ZCCHC7: variants seen among roughly 807,000 people sequenced by gnomAD.
ZCCHC7 encodes the protein zinc finger CCHC domain-containing protein 7.
Under a neutral mutation model 52.0 loss-of-function variants are expected in ZCCHC7, and 35 were observed. The ratio of observed to expected loss-of-function variants is 0.67; its 90% CI spans 0.51 to 0.89. The LOEUF (loss-of-function observed/expected upper bound fraction) is 0.89, where lower values mean the gene tolerates loss of function less well. ZCCHC7 is among the 40% of genes least tolerant of loss of function. The pLI is 0.00. For missense variants in ZCCHC7, 574 were observed against 649.1 expected (o/e 0.88, Z 1.26); for synonymous variants, 217 against 221.5 (o/e 0.98, Z 0.18).
chr9:37,173,665 C>T (rs751548219), intron 2 of ZCCHC7, among the ~76,000 whole-genome samples: 95 of 152,222 alleles, frequency 6.2e-4, no homozygotes, highest in Non-Finnish European at 1.2e-3. Context: ...AGATTAAAAA[C>T]TTTTCTTTGA....
At chr9:37,147,747 G>A (rs1328948211) in intron 2 of ZCCHC7, among the ~76,000 whole-genome samples, 2 of 152,020 alleles carry the variant, frequency 1.3e-5, no homozygotes, top group Middle Eastern at 3.2e-3. Flanking sequence ...TGAGTAAATT[G>A]TAAGTTAGAA....
At chr9:37,190,601 C>T (rs1268001621) in intron 2 of ZCCHC7, among the ~76,000 whole-genome samples, 2 of 152,196 alleles carry the variant, frequency 1.3e-5, no homozygotes, top group Non-Finnish European at 2.9e-5. Context: ...TTCCATCTTA[C>T]TTGGAATTGG....
At chr9:37,177,492 C>T (rs942999339) in intron 2 of ZCCHC7, among the ~76,000 whole-genome samples, 3 of 151,992 alleles carry the variant, frequency 2.0e-5, no homozygotes, top group African/African-American at 7.3e-5. Context: ...TCCTCCTGCC[C>T]CATTGAGCCA....
At chr9:37,259,886 T>G (rs1016379722) in intron 2 of ZCCHC7, among the ~76,000 whole-genome samples, 1 of 152,216 alleles carries the variant, frequency 6.6e-6, no homozygotes, top group Non-Finnish European at 1.5e-5. Context: ...TCCTTCTCAT[T>G]AACAGTTGGT....
chr9:37,246,504 G>A (rs1826086850), intron 2 of ZCCHC7, among the ~76,000 whole-genome samples: 1 of 152,076 alleles, frequency 6.6e-6, no homozygotes, highest in African/African-American at 2.4e-5. Flanking sequence ...TACCAGTATA[G>A]GATATTATAA....
intron 2 of ZCCHC7, among the ~76,000 whole-genome samples, chr9:37,209,517 T>C (rs146617198): frequency 6.6e-6 from 1 of 152,164 alleles, no homozygotes; most frequent in Non-Finnish European, 1.5e-5. Flanking sequence ...AACATCTTTG[T>C]CTACCCTTTT....
At chr9:37,193,131 C>G (rs371008101) in intron 2 of ZCCHC7, among the ~76,000 whole-genome samples, 17 of 152,028 alleles carry the variant, frequency 1.1e-4, no homozygotes, top group African/African-American at 3.9e-4. Context: ...GACTTGATTT[C>G]AATGAAAGTG....
At chr9:37,317,845 C>G (rs1242730230) in intron 5 of ZCCHC7, among the ~76,000 whole-genome samples, 1 of 35,954 alleles carries the variant, frequency 2.8e-5, no homozygotes, top group Non-Finnish European at 6.3e-5. Flanking sequence ...TCCCCCCGAC[C>G]CCCCCCAAAA....
chr9:37,350,209 A>G (rs577889397), intron 7 of ZCCHC7, among the ~76,000 whole-genome samples: 1 of 148,176 alleles, frequency 6.7e-6, no homozygotes, highest in Admixed American at 6.7e-5. Flanking sequence ...GCTCACTGCA[A>G]CTTCCACCTC....
In ZCCHC7 at chr9:37,153,390, C is replaced by T. The variant is rs370997211; in HGVS notation, c.610+26448C>T. On this transcript the variant is annotated intron_variant, in intron 2 of 8. Coordinates refer to ENST00000336755, the MANE Select transcript of ZCCHC7 (RefSeq NM_032226.3). Reference sequence around the variant, plus strand: ...TTCACCATGTTGGCCAGGCTGGTCTCGAACTCCCAACCTCAGGTGATCCGC... The same window carrying T: ...TTCACCATGTTGGCCAGGCTGGTCTTGAACTCCCAACCTCAGGTGATCCGC... 5.1e-4 allele frequency among the ~76,000 whole-genome samples: 77 copies of T among 152,144 alleles called. No individual in the cohort carries two copies. In the South Asian group the frequency reaches 0.015, roughly 30 times the overall value.
intron 2 of ZCCHC7, among the ~76,000 whole-genome samples, chr9:37,146,562 ATTAG>A (rs1843444694): frequency 6.6e-6 from 1 of 152,038 alleles, no homozygotes; most frequent in African/African-American, 2.4e-5. Context: ...TGGTAGCTGT[ATTAG>A]TTAGAACATT....
chr9:37,168,806 C>T (rs972904893), intron 2 of ZCCHC7, among the ~76,000 whole-genome samples: 169 of 152,240 alleles, frequency 1.1e-3, no homozygotes, highest in African/African-American at 3.9e-3. Context: ...AAATACCCAG[C>T]CTTGGGCCAG....
intron 6 of ZCCHC7, among the ~76,000 whole-genome samples, chr9:37,333,463 C>T (rs1272673459): frequency 6.6e-6 from 1 of 151,656 alleles, no homozygotes; most frequent in Non-Finnish European, 1.5e-5. Context: ...TGGCTAGGGG[C>T]AAAGACCAGT....
At chr9:37,288,860 T>C (rs2133614411) in intron 2 of ZCCHC7, among the ~76,000 whole-genome samples, 1 of 152,294 alleles carries the variant, frequency 6.6e-6, no homozygotes, top group East Asian at 1.9e-4. Context: ...ACTCAAACCC[T>C]TGGTACTCTC....
At chr9:37,206,353 G>A (rs538846973) in intron 2 of ZCCHC7, among the ~76,000 whole-genome samples, 38 of 113,826 alleles carry the variant, frequency 3.3e-4, no homozygotes, top group Middle Eastern at 5.7e-3. Flanking sequence ...CTTCCCTCCC[G>A]CCTTCACCTT....
At chr9:37,166,180 A>G (rs1219853291) in intron 2 of ZCCHC7, among the ~76,000 whole-genome samples, 1 of 152,034 alleles carries the variant, frequency 6.6e-6, no homozygotes, top group Non-Finnish European at 1.5e-5. Context: ...GCGGATCACG[A>G]GGTCAGGAGT....
intron 2 of ZCCHC7, among the ~76,000 whole-genome samples, chr9:37,277,199 G>A (rs1049557567): frequency 6.6e-6 from 1 of 152,142 alleles, no homozygotes; most frequent in African/African-American, 2.4e-5. Flanking sequence ...TCAAAGTTCT[G>A]CTACTGGTAA....
chr9:37,199,467 G>A (rs2133149976), intron 2 of ZCCHC7, among the ~76,000 whole-genome samples: 1 of 151,136 alleles, frequency 6.6e-6, no homozygotes, highest in Non-Finnish European at 1.5e-5. Context: ...GAGTAGCTGG[G>A]ATTATAGGCA....
chr9:37,264,313 A>G (rs1010916103), intron 2 of ZCCHC7, among the ~76,000 whole-genome samples: 1 of 152,176 alleles, frequency 6.6e-6, no homozygotes, highest in Non-Finnish European at 1.5e-5. Flanking sequence ...TTAATTTTTT[A>G]AAAATATATG....
Sources: gnomAD v4.1 joint callset for allele counts (sites outside exome capture counted in the v4.1 genomes callset) on GRCh38, gnomAD v4.1.1 for gene constraint, MANE v1.5 for transcripts, NCBI Gene and HGNC (gene_info 2026-07-23, HGNC 2026-07-21) for gene names.